ARFGEF2: variants seen among roughly 807,000 people sequenced by gnomAD.
The protein encoded by ARFGEF2 is brefeldin A-inhibited guanine nucleotide-exchange protein 2.
Under a neutral mutation model 219.9 loss-of-function variants are expected in ARFGEF2, and 74 were observed. The ratio of observed to expected loss-of-function variants is 0.34; its 90% CI spans 0.28 to 0.41. The LOEUF (loss-of-function observed/expected upper bound fraction) is 0.41, where lower values mean the gene tolerates loss of function less well. ARFGEF2 is among the 10% of genes least tolerant of loss of function. The probability of loss-of-function intolerance (pLI) is 1.00; values close to 1 mark genes in which losing one functional copy is unlikely to be tolerated. For synonymous variants in ARFGEF2, 733 were observed against 799.2 expected, an observed-to-expected ratio of 0.92 and a Z score of 1.40; for missense variants, 1,743 against 2,218.3, an observed-to-expected ratio of 0.79 and a Z score of 4.30.
intron 5 of ARFGEF2, 57 bp from the exon 6 acceptor site, chr20:48,953,499 C>G: frequency 6.5e-7 from 1 of 1,535,752 alleles, no homozygotes; most frequent in African/African-American, 1.4e-5. Flanking sequence ...AAGTAATAGG[C>G]TGGCATAATT....
Position 49,002,989 on chromosome 20 carries a change from G to A in ARFGEF2, c.3433-2081G>A, listed in dbSNP as rs1354525295. Among the ~76,000 whole-genome samples, 135 of 106,184 alleles carry A rather than the reference G, an allele frequency of 1.3e-3. 1 individual carries two copies. Among genetic ancestry groups the A allele is most frequent in the African/African-American group, 4.6e-3 (127 of 27,330 alleles). 69.7% of individuals were successfully genotyped at this position (106,184 alleles called of 152,430 possible). On this transcript the variant is annotated intron_variant, in intron 25 of 38. Transcript: ENST00000371917. ...CTTTTTTTTTTTTTTTTTTTTTAGAGACGGATCTTGCTCTGTCACCCAGGC... is the reference window on the plus strand; with the variant it reads ...CTTTTTTTTTTTTTTTTTTTTTAGAAACGGATCTTGCTCTGTCACCCAGGC...
At chr20:49,025,539 A>G in intron 36 of ARFGEF2, 58 bp downstream of exon 36, 1 of 1,604,842 alleles carries the variant, frequency 6.2e-7, no homozygotes, top group South Asian at 1.1e-5. Flanking sequence ...CTAAAACATT[A>G]AAGTGCTTGG....
chr20:48,951,490 G>A lies in ARFGEF2; in HGVS notation c.423+21G>A, dbSNP rs749871591. The A allele has an allele frequency of 3.1e-6, 5 of 1,613,926 alleles. No individual in the cohort carries two copies. The East Asian group carries it at 1.1e-4, about 36-fold the overall frequency. ...TTAAGGTATGCCTATTTGTTTGCCT[G>A]TCTGGTTTTTAAATTAGAAAGCAAG... On this transcript the variant is annotated intron_variant, in intron 4 of 38. Coordinates refer to ENST00000371917, the MANE Select transcript of ARFGEF2 (RefSeq NM_006420.3).
At position 49,029,614 on chromosome 20, in the gene ARFGEF2, C is replaced by T. The variant is rs145469988; in HGVS notation, c.5063+946C>T. Among the ~76,000 whole-genome samples, 894 of 149,578 alleles carry T rather than the reference C, an allele frequency of 6.0e-3. 14 individuals are homozygous for T. The highest frequency in any genetic ancestry group is 0.02 in the African/African-American group (832 of 40,648). ...AAGTGAATTTTTTTTTTTTTTGAGACGGAGTCTTGCTCTGTCGCCCAGGCT... is the reference window on the plus strand; with the variant it reads ...AAGTGAATTTTTTTTTTTTTTGAGATGGAGTCTTGCTCTGTCGCCCAGGCT... On this transcript the variant is annotated intron_variant, in intron 37 of 38. Coordinates refer to ENST00000371917, the MANE Select transcript of ARFGEF2 (RefSeq NM_006420.3).
At chr20:48,986,875 A>G (rs1421821530) in intron 16 of ARFGEF2, among the ~76,000 whole-genome samples, 1 of 152,032 alleles carries the variant, frequency 6.6e-6, no homozygotes, top group Admixed American at 6.5e-5. Context: ...AATTTTTTGT[A>G]TAATATTTCT....
intron 25 of ARFGEF2, among the ~76,000 whole-genome samples, chr20:48,998,806 A>G (rs1010261983): frequency 1.4e-4 from 21 of 152,248 alleles, no homozygotes; most frequent in Non-Finnish European, 2.6e-4. Context: ...GCTTGGAAGC[A>G]TTGTGAAATG....
At position 48,965,897 on chromosome 20, in the gene ARFGEF2, A is replaced by G. The variant is rs2091184147; in HGVS notation, c.933A>G (p.Thr311=). The change falls in exon 8 of 39, where the codon ACA becomes ACG. Residue 311 remains threonine (T), a synonymous_variant. Transcript: ENST00000371917. ...AAGCAGCGGAAAAGCATGGTCTGAC[A>G]GAACCTGAGAGAGTTCTAGGTGAAC... is the stretch of plus-strand genomic sequence containing the variant. ...IKEAAEKHGL[T]EPERVLGELE... The G allele has an allele frequency of 1.2e-6, 2 of 1,614,130 alleles. No homozygotes were observed. The highest frequency in any genetic ancestry group is 1.7e-6 in the Non-Finnish European group (2 of 1,180,056).
At chr20:48,922,094 C>T (rs1318597941) in intron 1 of ARFGEF2, 84 bp downstream of exon 1, 2 of 1,498,658 alleles carry the variant, frequency 1.3e-6, no homozygotes, top group African/African-American at 2.8e-5. Context: ...GGCCCGGCCT[C>T]CTGGCCTCCG....
chr20:48,993,982 A>C (rs1023530057), intron 21 of ARFGEF2, among the ~76,000 whole-genome samples: 7 of 152,226 alleles, frequency 4.6e-5, no homozygotes, highest in African/African-American at 1.7e-4. Flanking sequence ...TAAGAAAAAA[A>C]AAGTATGAGC....
chr20:48,971,990 CTGTT>C (rs1305592064), intron 10 of ARFGEF2, among the ~76,000 whole-genome samples: 4 of 152,184 alleles, frequency 2.6e-5, no homozygotes, highest in African/African-American at 9.7e-5. Context: ...CTAAACATAT[CTGTT>C]TGGTCTGTAA....
intron 37 of ARFGEF2, 139 bp from the exon 38 acceptor site, chr20:49,031,910 C>T (rs2091637711): frequency 1.3e-6 from 1 of 744,178 alleles, no homozygotes; most frequent in Non-Finnish European, 2.3e-6. Context: ...AGAGCAAGAC[C>T]CTGTCTCAAA....
chr20:48,933,109 C>T (rs905936091), intron 1 of ARFGEF2, among the ~76,000 whole-genome samples: 14 of 152,166 alleles, frequency 9.2e-5, no homozygotes, highest in African/African-American at 3.4e-4. Flanking sequence ...GAAAGGATTT[C>T]CCGCAAAGAC....
intron 34 of ARFGEF2, among the ~76,000 whole-genome samples, chr20:49,020,363 T>A (rs1404378607): frequency 1.3e-5 from 2 of 152,320 alleles, no homozygotes; most frequent in Non-Finnish European, 1.5e-5. Context: ...TAAAGAGGTA[T>A]CGTGTTGGGA....
At chr20:49,032,972 CCA>C in intron 38 of ARFGEF2, 49 bp from the exon 39 acceptor site, 1 of 1,460,924 alleles carries the variant, frequency 6.8e-7, no homozygotes, top group Non-Finnish European at 9.5e-7. Flanking sequence ...AAACTGGTGC[CCA>C]AAAAAAAAAA....
At chr20:48,968,076 C>T (rs879389816) in intron 8 of ARFGEF2, among the ~76,000 whole-genome samples, 1 of 152,232 alleles carries the variant, frequency 6.6e-6, no homozygotes, top group Non-Finnish European at 1.5e-5. Flanking sequence ...TCACTGCAAG[C>T]TCTGCCTCCC....
At chr20:49,018,791 C>T in intron 33 of ARFGEF2, 93 bp from the exon 34 acceptor site, 3 of 970,992 alleles carry the variant, frequency 3.1e-6, no homozygotes, top group South Asian at 2.6e-5. Flanking sequence ...CACTTAAATA[C>T]AGGCTGGACC....
intron 23 of ARFGEF2, among the ~76,000 whole-genome samples, chr20:48,997,144 TGTC>T (rs1197752581): frequency 6.6e-6 from 1 of 152,352 alleles, no homozygotes; most frequent in East Asian, 1.9e-4. Flanking sequence ...GTGCATATAA[TGTC>T]GTGTCTTTTG....
At chr20:48,939,709 C>T (rs1044811373) in intron 1 of ARFGEF2, among the ~76,000 whole-genome samples, 2 of 152,334 alleles carry the variant, frequency 1.3e-5, no homozygotes, top group South Asian at 2.1e-4. Context: ...CATTTCTCTT[C>T]TGTTTTCTTA....
chr20:48,962,926 A>T (rs929870895), intron 6 of ARFGEF2, among the ~76,000 whole-genome samples: 2 of 152,106 alleles, frequency 1.3e-5, no homozygotes, highest in Admixed American at 1.3e-4. Flanking sequence ...GAGTAATGTT[A>T]GGCCAGGTAC....
Sources: allele counts gnomAD v4.1 joint callset (sites outside exome capture counted in the v4.1 genomes callset), GRCh38; gene constraint gnomAD v4.1.1; transcripts MANE v1.5; gene names NCBI Gene and HGNC (gene_info 2026-07-23, HGNC 2026-07-21).